Variants in SDK1 observed in about 807,000 individuals in gnomAD.
SDK1 encodes protein sidekick-1.
SDK1 carries 157 observed loss-of-function variants against 245.5 expected under a neutral mutation model. That is an observed-to-expected ratio of 0.64 (90% CI 0.56 to 0.73). The LOEUF is 0.73. SDK1 is among the 30% of genes least tolerant of loss of function. The pLI is 0.00. For synonymous variants in SDK1, 1,647 were observed against 1,278.5 expected (o/e 1.29, Z -6.15); for missense variants, 3,583 against 3,002.3 (o/e 1.19, Z -4.52).
At chr7:3,721,129 G>C (rs1056611754) in intron 4 of SDK1, among the ~76,000 whole-genome samples, 1 of 152,198 alleles carries the variant, frequency 6.6e-6, no homozygotes, top group Non-Finnish European at 1.5e-5. Flanking sequence ...GGCATGGGTG[G>C]GGCTTAAAAA....
intron 1 of SDK1, among the ~76,000 whole-genome samples, chr7:3,417,974 C>T (rs993729661): frequency 6.6e-6 from 1 of 151,918 alleles, no homozygotes; most frequent in Non-Finnish European, 1.5e-5. Flanking sequence ...CATTGGAACC[C>T]TTACAAGTGA....
chr7:3,620,538 G>T (rs1490776477), intron 2 of SDK1, among the ~76,000 whole-genome samples: 1 of 152,124 alleles, frequency 6.6e-6, no homozygotes, highest in African/African-American at 2.4e-5. Flanking sequence ...CCTGACCTCA[G>T]GTGATCTGCC....
intron 4 of SDK1, among the ~76,000 whole-genome samples, chr7:3,709,134 G>T (rs1223147638): frequency 6.6e-6 from 1 of 152,176 alleles, no homozygotes; most frequent in Non-Finnish European, 1.5e-5. Context: ...GGCTGGCCTG[G>T]TAGTGACAAA....
chr7:4,125,567 G>A (rs1203771149), intron 25 of SDK1, among the ~76,000 whole-genome samples: 1 of 152,132 alleles, frequency 6.6e-6, no homozygotes, highest in Non-Finnish European at 1.5e-5. Context: ...AAGAGCAGAG[G>A]AAGTCCTCGC....
intron 5 of SDK1, among the ~76,000 whole-genome samples, chr7:3,913,356 C>A (rs1204349241): frequency 1.3e-5 from 2 of 149,468 alleles, no homozygotes. Context: ...TGCAGTGGCA[C>A]GATCTCGGCT....
intron 5 of SDK1, among the ~76,000 whole-genome samples, chr7:3,892,511 T>C (rs1781485108): frequency 6.6e-6 from 1 of 152,162 alleles, no homozygotes; most frequent in African/African-American, 2.4e-5. Flanking sequence ...CCAAGGTTAA[T>C]GGGGTGAGCC....
chr7:3,848,762 C>T (rs746302574), intron 5 of SDK1, among the ~76,000 whole-genome samples: 5 of 151,978 alleles, frequency 3.3e-5, no homozygotes, highest in Non-Finnish European at 7.4e-5. Context: ...ACCTCCGCCT[C>T]CCGAGTTCAA....
At chr7:3,607,767 A>G (rs1345265387) in intron 1 of SDK1, among the ~76,000 whole-genome samples, 1 of 152,242 alleles carries the variant, frequency 6.6e-6, no homozygotes, top group African/African-American at 2.4e-5. Flanking sequence ...CTGTAGGAAG[A>G]TGCAATTTCA....
rs1047482171 is a variant in SDK1 at position 3,726,631 on chromosome 7, A to G, written c.713+84526A>G. ...AAGGTTATAAGTTATGTTAAAAAACAACTTAGCCTTTAATGCTTCAAAAAC... is the reference window on the plus strand; with the variant it reads ...AAGGTTATAAGTTATGTTAAAAAACGACTTAGCCTTTAATGCTTCAAAAAC... On this transcript the variant is annotated intron_variant, in intron 4 of 44. Coordinates refer to ENST00000404826, the MANE Select transcript of SDK1 (RefSeq NM_152744.4). Among the ~76,000 whole-genome samples the G allele has an allele frequency of 2.6e-5, 4 of 152,240 alleles. No homozygotes were observed. In the East Asian group the frequency reaches 7.7e-4, roughly 29 times the overall value.
rs868628972 is a variant in SDK1, at chr7:3,619,170, G to T, written c.389G>T (p.Gly130Val). 2 of 1,613,986 alleles carry T rather than the reference G, an allele frequency of 1.2e-6. No individual in the cohort carries two copies. Among genetic ancestry groups the T allele is most frequent in the African/African-American group, 1.3e-5 (1 of 75,014 alleles). ...CTTGTTCTCACCTGCCTTGCCGAAG[G>T]GAGCTGGCCTTTGGAGTTCAAGTGG... ...NRLVLTCLAE[G>V]SWPLEFKWMR... Residue 130 changes from glycine to valine, a missense_variant, in exon 2 of 45, where the codon GGG becomes GTG. By Grantham distance (109) the Gly-to-Val change is moderately radical (BLOSUM62 -3). Coordinates refer to ENST00000404826, the MANE Select transcript of SDK1 (RefSeq NM_152744.4).
In SDK1 at chr7:3,389,845, A is replaced by C. The variant is rs573143879; in HGVS notation, c.298+87961A>C. On this transcript the variant is annotated intron_variant, in intron 1 of 44. Coordinates refer to ENST00000404826, the MANE Select transcript of SDK1 (RefSeq NM_152744.4). ...CTGAAAATGTGGAAGCAGCTTTAGA[A>C]GTGGTGATTGAGTAGAGGCTTGAAA... is the stretch of plus-strand genomic sequence containing the variant. 7.2e-5 allele frequency among the ~76,000 whole-genome samples: 11 copies of C among 152,322 alleles called. No homozygotes were observed. In the East Asian group the frequency reaches 2.1e-3, roughly 29 times the overall value.
intron 4 of SDK1, among the ~76,000 whole-genome samples, chr7:3,781,975 A>T (rs904527780): frequency 6.6e-6 from 1 of 152,348 alleles, no homozygotes; most frequent in East Asian, 1.9e-4. Context: ...AGCAGAGAGA[A>T]AAAAGCACCA....
intron 35 of SDK1, among the ~76,000 whole-genome samples, chr7:4,198,094 G>C (rs1032088936): frequency 1.2e-4 from 18 of 152,204 alleles, no homozygotes; most frequent in Admixed American, 3.9e-4. Context: ...GTCACTGAGG[G>C]CGTGAAGCCA....
At chr7:3,535,313 TC>T (rs1778847395) in intron 1 of SDK1, among the ~76,000 whole-genome samples, 1 of 151,556 alleles carries the variant, frequency 6.6e-6, no homozygotes, top group Admixed American at 6.6e-5. Flanking sequence ...CTATAAAGAG[TC>T]CCTTTGTTTA....
At chr7:3,750,085 T>C (rs1170157100) in intron 4 of SDK1, among the ~76,000 whole-genome samples, 3 of 152,238 alleles carry the variant, frequency 2.0e-5, no homozygotes, top group Admixed American at 6.5e-5. Context: ...ACCTCATTTA[T>C]TGAACAAAAT....
intron 1 of SDK1, among the ~76,000 whole-genome samples, chr7:3,542,379 T>G (rs903101802): frequency 1.3e-5 from 2 of 152,204 alleles, no homozygotes; most frequent in African/African-American, 4.8e-5. Context: ...TGTAGCGATT[T>G]GGGGCATGAC....
chr7:4,217,612 C>T (rs1240647695), intron 38 of SDK1, among the ~76,000 whole-genome samples: 1 of 151,810 alleles, frequency 6.6e-6, no homozygotes, highest in Non-Finnish European at 1.5e-5. Context: ...ACCCGGAGAA[C>T]CACACCACCC....
intron 1 of SDK1, among the ~76,000 whole-genome samples, chr7:3,582,485 C>T (rs1278773333): frequency 6.6e-6 from 1 of 151,866 alleles, no homozygotes; most frequent in Non-Finnish European, 1.5e-5. Flanking sequence ...GTAGGTCTCC[C>T]TCAGGTAGGC....
At chr7:4,206,031 C>T (rs1250873301) in intron 36 of SDK1, 37 bp downstream of exon 36, 2 of 1,359,544 alleles carry the variant, frequency 1.5e-6, no homozygotes, top group Non-Finnish European at 2.0e-6. Flanking sequence ...CCCTGGCTCG[C>T]TTGGGCACCC....
Sources: allele counts gnomAD v4.1 joint callset (sites outside exome capture counted in the v4.1 genomes callset), GRCh38; gene constraint gnomAD v4.1.1; transcripts MANE v1.5; gene names NCBI Gene and HGNC (gene_info 2026-07-23, HGNC 2026-07-21).